TBC1D14: variants seen among roughly 807,000 people sequenced by gnomAD.
The protein encoded by TBC1D14 is TBC1 domain family, member 14.
Under a neutral mutation model 79.0 loss-of-function variants are expected in TBC1D14, and 26 were observed. That is an observed-to-expected ratio of 0.33 (90% confidence interval 0.24 to 0.46). TBC1D14 has a LOEUF of 0.46. Ranked by LOEUF, TBC1D14 falls within the 20% of genes least tolerant of loss-of-function variation. The pLI is 1.00. For synonymous variants in TBC1D14, 394 were observed against 349.9 expected, an observed-to-expected ratio of 1.13 and a Z score of -1.40; for missense variants, 769 against 887.6, an observed-to-expected ratio of 0.87 and a Z score of 1.70.
intron 2 of TBC1D14, among the ~76,000 whole-genome samples, chr4:6,934,826 C>T (rs1048688844): frequency 5.9e-5 from 9 of 152,094 alleles, no homozygotes; most frequent in African/African-American, 1.9e-4. Context: ...ACCTGTAATC[C>T]CAGCACTTTG....
At chr4:7,025,461 A>C (rs1722268178) in intron 13 of TBC1D14, among the ~76,000 whole-genome samples, 199 bp downstream of exon 13, 1 of 152,136 alleles carries the variant, frequency 6.6e-6, no homozygotes, top group Non-Finnish European at 1.5e-5. Flanking sequence ...GGTTTCTGTC[A>C]GCTGGATGGG....
intron 2 of TBC1D14, among the ~76,000 whole-genome samples, chr4:6,944,746 C>T (rs530964306): frequency 1.3e-5 from 2 of 152,328 alleles, no homozygotes; most frequent in South Asian, 2.1e-4. Flanking sequence ...TTCTCCTGTC[C>T]TCCTCATCCC....
rs548852276 is a variant in TBC1D14, at chr4:6,960,873, C to G, written c.723-6431C>G. On this transcript the variant is annotated intron_variant, in intron 2 of 13. Coordinates refer to ENST00000409757, the MANE Select transcript of TBC1D14 (RefSeq NM_020773.3). ...CCTGTGAAAGACCCTGGTAACAGTG[C>G]GGAGGAGGCCGAGAGAGGCCAGAAT... 1.3e-4 allele frequency among the ~76,000 whole-genome samples: 20 copies of G among 152,302 alleles called. 1 individual carries two copies. In the South Asian group the frequency reaches 3.9e-3, roughly 30 times the overall value.
At chr4:7,015,620 A>G (rs1382744696) in intron 12 of TBC1D14, among the ~76,000 whole-genome samples, 2 of 152,150 alleles carry the variant, frequency 1.3e-5, no homozygotes, top group African/African-American at 4.8e-5. Context: ...AGAGAGCACC[A>G]TGTTTGAGGG....
At chr4:6,994,403 A>G in intron 4 of TBC1D14, 101 bp downstream of exon 4, 1 of 987,106 alleles carries the variant, frequency 1.0e-6, no homozygotes, top group Non-Finnish European at 1.6e-6. Context: ...AGAAAAGGGG[A>G]GAAGAGTAAG....
chr4:6,940,453 G>A (rs1272192878), intron 2 of TBC1D14, among the ~76,000 whole-genome samples: 2 of 152,160 alleles, frequency 1.3e-5, no homozygotes, highest in Non-Finnish European at 2.9e-5. Flanking sequence ...GGAAGGGGAA[G>A]GAAACCCAGG....
At chr4:6,953,635 A>AT (rs1036115540) in intron 2 of TBC1D14, among the ~76,000 whole-genome samples, 6 of 148,748 alleles carry the variant, frequency 4.0e-5, no homozygotes, top group Non-Finnish European at 9.0e-5. Context: ...GTCTCAAAAA[A>AT]AAAAAAAAAA....
intron 8 of TBC1D14, among the ~76,000 whole-genome samples, chr4:7,006,071 G>A (rs992217084): frequency 9.2e-5 from 14 of 152,216 alleles, no homozygotes; most frequent in African/African-American, 2.4e-4. Context: ...TGGGCACAGT[G>A]GCTCGTGCCT....
intron 2 of TBC1D14, among the ~76,000 whole-genome samples, chr4:6,950,105 CCT>C (rs1359310466): frequency 6.6e-6 from 1 of 152,118 alleles, no homozygotes; most frequent in Admixed American, 6.5e-5. Flanking sequence ...ATGTTCGCTC[CCT>C]GTGTCCATGC....
At chr4:6,940,021 A>G (rs769060644) in intron 2 of TBC1D14, among the ~76,000 whole-genome samples, 1 of 152,236 alleles carries the variant, frequency 6.6e-6, no homozygotes, top group Non-Finnish European at 1.5e-5. Flanking sequence ...CACCTCACGC[A>G]TGCTCAGCAG....
intron 2 of TBC1D14, among the ~76,000 whole-genome samples, chr4:6,939,408 G>A (rs771533856): frequency 2.2e-4 from 33 of 151,140 alleles, no homozygotes; most frequent in South Asian, 2.1e-4. Flanking sequence ...AATGCCACCC[G>A]ACCAGGTCCC....
intron 3 of TBC1D14, among the ~76,000 whole-genome samples, chr4:6,981,472 A>T (rs992779060): frequency 1.3e-5 from 2 of 152,234 alleles, no homozygotes; most frequent in Admixed American, 1.3e-4. Flanking sequence ...CCTACTGAAC[A>T]TTTAAAGAAA....
chr4:7,007,439 T>A (rs146530487), intron 9 of TBC1D14: 26 of 779,562 alleles, frequency 3.3e-5, no homozygotes, highest in Non-Finnish European at 4.6e-5. Flanking sequence ...CCCTTTCTTA[T>A]CTATAACGGG....
In TBC1D14 at chr4:6,976,969, TTAAA is replaced by T. The variant is rs569926061; in HGVS notation, c.843+9552_843+9555del. ...CTCTCATTTCCTGGGAAACACAATT[TTAAA>T]TAAATAGTTGAGTTCCCCAATGGAC... On this transcript the variant is annotated intron_variant, in intron 3 of 13. Coordinates refer to ENST00000409757, the MANE Select transcript of TBC1D14 (RefSeq NM_020773.3). Among the ~76,000 whole-genome samples, 4 of 150,338 alleles carry T rather than the reference TTAAA, an allele frequency of 2.7e-5. No individual in the cohort carries two copies. In the South Asian group the frequency reaches 8.5e-4, roughly 32 times the overall value.
intron 12 of TBC1D14, 134 bp from the exon 13 acceptor site, chr4:7,024,870 G>C (rs1403626235): frequency 5.1e-6 from 6 of 1,187,964 alleles, no homozygotes; most frequent in Non-Finnish European, 7.2e-6. Flanking sequence ...TGTGAGTGCA[G>C]GCCTGGCCCT....
At chr4:6,962,671 T>C (rs938454063) in intron 2 of TBC1D14, among the ~76,000 whole-genome samples, 2 of 152,102 alleles carry the variant, frequency 1.3e-5, no homozygotes, top group Middle Eastern at 3.4e-3. Flanking sequence ...GCTCTCAGCC[T>C]GCTCCAGGGA....
At chr4:6,943,612 A>G (rs943510026) in intron 2 of TBC1D14, among the ~76,000 whole-genome samples, 1 of 152,204 alleles carries the variant, frequency 6.6e-6, no homozygotes, top group African/African-American at 2.4e-5. Context: ...ATTCAGCTTA[A>G]GTGACACCTC....
chr4:7,015,315 C>A (rs1025600187), intron 12 of TBC1D14, among the ~76,000 whole-genome samples: 47 of 152,114 alleles, frequency 3.1e-4, no homozygotes, highest in African/African-American at 1.1e-3. Flanking sequence ...AGAGAAGGCC[C>A]CGTGGAAATA....
chr4:6,939,912 T>G (rs1384643874), intron 2 of TBC1D14, among the ~76,000 whole-genome samples: 1 of 152,218 alleles, frequency 6.6e-6, no homozygotes, highest in Non-Finnish European at 1.5e-5. Flanking sequence ...ACGAAGGCCC[T>G]GAGGCCGGCG....
Sources: allele counts gnomAD v4.1 joint callset (sites outside exome capture counted in the v4.1 genomes callset), GRCh38; gene constraint gnomAD v4.1.1; transcripts MANE v1.5; gene names NCBI Gene and HGNC (gene_info 2026-07-23, HGNC 2026-07-21).